DPP6: variants seen among roughly 807,000 people sequenced by gnomAD.
The protein encoded by DPP6 is A-type potassium channel modulatory protein DPP6.
A neutral mutation model predicts 122.6 loss-of-function variants in DPP6; 69 were observed. That is an observed-to-expected ratio of 0.56 (90% CI 0.46 to 0.69). The LOEUF is 0.69. Among genes scored for constraint, DPP6 ranks in the 30% least tolerant of loss-of-function variants. The probability of loss-of-function intolerance (pLI) is 0.00; values close to 1 mark genes in which losing one functional copy is unlikely to be tolerated. For synonymous variants in DPP6, 418 were observed against 433.1 expected, an observed-to-expected ratio of 0.97 and a Z score of 0.43; for missense variants, 928 against 1,116.9, an observed-to-expected ratio of 0.83 and a Z score of 2.41.
intron 1 of DPP6, among the ~76,000 whole-genome samples, chr7:154,259,706 G>A (rs1296793945): frequency 6.6e-6 from 1 of 152,170 alleles, no homozygotes; most frequent in East Asian, 1.9e-4. Context: ...CAGACTGAGG[G>A]AATGAATATT....
intron 1 of DPP6, among the ~76,000 whole-genome samples, chr7:154,251,928 C>G (rs1802373343): frequency 6.6e-6 from 1 of 151,936 alleles, no homozygotes; most frequent in Admixed American, 6.5e-5. Flanking sequence ...ACACCAGAAA[C>G]AATACTTTGC....
chr7:154,273,233 C>T (rs1803909604), intron 1 of DPP6, among the ~76,000 whole-genome samples: 1 of 152,154 alleles, frequency 6.6e-6, no homozygotes, highest in Admixed American at 6.5e-5. Context: ...GTCCTGCTAA[C>T]TGTGAGGCCC....
At chr7:154,681,320 C>A (rs1839266512) in intron 7 of DPP6, among the ~76,000 whole-genome samples, 1 of 152,164 alleles carries the variant, frequency 6.6e-6, no homozygotes, top group Admixed American at 6.5e-5. Flanking sequence ...CCCACATCAG[C>A]CTCGGCAATA....
At chr7:154,217,550 T>A (rs1300130083) in intron 1 of DPP6, among the ~76,000 whole-genome samples, 1 of 152,228 alleles carries the variant, frequency 6.6e-6, no homozygotes, top group African/African-American at 2.4e-5. Context: ...TACAAAATTA[T>A]ATTTTCTAAA....
At chr7:154,772,981 A>G (rs1796338024) in intron 10 of DPP6, 39 bp downstream of exon 10, 1 of 1,504,614 alleles carries the variant, frequency 6.6e-7, no homozygotes, top group Non-Finnish European at 8.9e-7. Flanking sequence ...AAAAAAAAAA[A>G]ACTAAGATGA....
chr7:154,675,315 C>A (rs752648510), intron 7 of DPP6, among the ~76,000 whole-genome samples: 1 of 151,982 alleles, frequency 6.6e-6, no homozygotes, highest in Non-Finnish European at 1.5e-5. Context: ...ATGTAACAAA[C>A]CTACACGTTG....
chr7:154,493,137 A>T (rs1824432883), intron 3 of DPP6, among the ~76,000 whole-genome samples: 1 of 152,174 alleles, frequency 6.6e-6, no homozygotes, highest in South Asian at 2.1e-4. Context: ...CAGCCTGAGG[A>T]TAATGACCCC....
chr7:154,872,661 C>T lies in DPP6; in HGVS notation c.1851C>T (p.Thr617=), dbSNP rs753742995. 17 of 1,601,686 alleles carry T rather than the reference C, an allele frequency of 1.1e-5. No homozygotes were observed. The highest frequency in any genetic ancestry group is 5.4e-5 in the African/African-American group (4 of 74,684). Residue 617 remains threonine, a synonymous_variant, in exon 19 of 26, where the codon ACC becomes ACT. Transcript: ENST00000377770. ...PMQILKPATF[T]DTTHYPLLLV... is the part of the protein sequence containing the mutation. The stretch of plus-strand genomic sequence containing the variant: ...AGATACTGAAGCCAGCAACCTTCAC[C>T]GACACCACCCACTACCCTCTGCTCC...
intron 6 of DPP6, among the ~76,000 whole-genome samples, chr7:154,648,458 G>T (rs1402230672): frequency 6.6e-6 from 1 of 152,096 alleles, no homozygotes; most frequent in African/African-American, 2.4e-5. Flanking sequence ...CTGCGCTGGG[G>T]ACATTGGCCT....
chr7:154,082,857 T>TTTC (rs1804127001), intron 1 of DPP6, among the ~76,000 whole-genome samples: 1 of 144,552 alleles, frequency 6.9e-6, no homozygotes, highest in Non-Finnish European at 1.5e-5. Flanking sequence ...TTTTTTTTTT[T>TTTC]TTTTTTTTTG....
intron 1 of DPP6, among the ~76,000 whole-genome samples, chr7:154,066,046 T>G (rs111235604): frequency 4.7e-5 from 7 of 147,902 alleles, no homozygotes; most frequent in Admixed American, 2.8e-4. Context: ...CAGATTTGTT[T>G]TTTTTTTTTT....
intron 10 of DPP6, among the ~76,000 whole-genome samples, chr7:154,793,238 G>T (rs548946936): frequency 6.6e-6 from 1 of 152,290 alleles, no homozygotes; most frequent in South Asian, 2.1e-4. Context: ...GATTGAACGC[G>T]CATTAGCTGG....
chr7:153,904,309 C>T (rs1466003556), intron 1 of DPP6, among the ~76,000 whole-genome samples: 1 of 152,208 alleles, frequency 6.6e-6, no homozygotes, highest in East Asian at 1.9e-4. Flanking sequence ...GCCTCAGCCT[C>T]CCAAAATGCT....
At chr7:154,809,281 G>T (rs555561361) in intron 16 of DPP6, among the ~76,000 whole-genome samples, 1 of 152,120 alleles carries the variant, frequency 6.6e-6, no homozygotes, top group Admixed American at 6.5e-5. Flanking sequence ...AGAAGGGTTT[G>T]GAATGGGGAA....
chr7:154,686,159 A>C (rs1227914636), intron 7 of DPP6, among the ~76,000 whole-genome samples: 1 of 152,198 alleles, frequency 6.6e-6, no homozygotes, highest in Non-Finnish European at 1.5e-5. Flanking sequence ...GAAAATAGAA[A>C]TTCAGAAAAT....
chr7:153,827,532 TC>T, the DPP6 span, among the ~76,000 whole-genome samples: 1 of 152,114 alleles, frequency 6.6e-6, no homozygotes, highest in East Asian at 1.9e-4. Flanking sequence ...GCCTTATATC[TC>T]CAGACTAGGT....
At chr7:154,810,921 T>A (rs1563237626) in intron 16 of DPP6, among the ~76,000 whole-genome samples, 1 of 152,246 alleles carries the variant, frequency 6.6e-6, no homozygotes, top group Non-Finnish European at 1.5e-5. Flanking sequence ...TAGGAATAGA[T>A]CTCAGAGCAT....
chr7:154,693,521 T>G (rs1840047274), intron 7 of DPP6, among the ~76,000 whole-genome samples: 1 of 152,188 alleles, frequency 6.6e-6, no homozygotes. Context: ...AGATGCTCCC[T>G]GCTGAACTCA....
intron 5 of DPP6, chr7:154,588,219 AGGAG>A: frequency 2.8e-6 from 4 of 1,436,078 alleles, no homozygotes; most frequent in South Asian, 1.5e-5. Context: ...AGTGTCCCAG[AGGAG>A]GGAGGGAGGG....
Sources: allele counts gnomAD v4.1 joint callset (sites outside exome capture counted in the v4.1 genomes callset), GRCh38; gene constraint gnomAD v4.1.1; transcripts MANE v1.5; gene names NCBI Gene and HGNC (gene_info 2026-07-23, HGNC 2026-07-21).